ATP2B1: variants seen among roughly 807,000 people sequenced by gnomAD.
ATP2B1 encodes ATPase plasma membrane Ca2+ transporting 1.
ATP2B1 carries 14 observed loss-of-function variants against 124.2 expected under a neutral mutation model. The ratio of observed to expected loss-of-function variants is 0.11; its 90% CI spans 0.07 to 0.18. The LOEUF (loss-of-function observed/expected upper bound fraction) is 0.18. Among genes scored for constraint, ATP2B1 ranks in the 10% least tolerant of loss-of-function variants. The probability of loss-of-function intolerance (pLI) is 1.00; values close to 1 mark genes in which losing one functional copy is unlikely to be tolerated. For synonymous variants in ATP2B1, 449 were observed against 492.4 expected (o/e 0.91, Z 1.17); for missense variants, 763 against 1,466.1 (o/e 0.52, Z 7.83).
chr12:89,597,226 G>GGAA, intron 20 of ATP2B1, among the ~76,000 whole-genome samples: 2 of 152,242 alleles, frequency 1.3e-5, no homozygotes, highest in Admixed American at 1.3e-4. Flanking sequence ...GATACAGGGA[G>GGAA]GAAGAGGCAT....
chr12:89,652,224 A>C (rs1040165174), intron 2 of ATP2B1, among the ~76,000 whole-genome samples: 5 of 152,228 alleles, frequency 3.3e-5, no homozygotes, highest in African/African-American at 1.2e-4. Flanking sequence ...GCAGATACTA[A>C]TAAATACTAC....
Position 89,621,776 on chromosome 12 carries a change from T to C in ATP2B1, c.1360A>G (p.Asn454Asp). The change falls in exon 10 of 21, where the codon AAT (asparagine) becomes GAT (aspartate). Residue 454 changes from asparagine (N) to aspartate (D), a missense_variant. Around this residue, in one of 7 missense-constraint regions of ATP2B1, gnomAD observed 392 missense variants for 776.6 expected, o/e 0.50. Coordinates refer to ENST00000428670, the MANE Select transcript of ATP2B1 (RefSeq NM_001366521.1). ...GCATCCAGATGCCTTACTAAGTTAT[T>C]ATCTTTCATCATTTTCTACAGTGAC... ...AYSVKKMMKDNNLVRHLDACE... is the reference protein window; with the variant it reads ...AYSVKKMMKDDNLVRHLDACE... The C allele has an allele frequency of 6.4e-7, 1 of 1,560,228 alleles. No homozygotes were observed. Among genetic ancestry groups the C allele is most frequent in the Non-Finnish European group, 8.6e-7 (1 of 1,159,038 alleles).
At chr12:89,657,872 G>C (rs1886143821) in intron 1 of ATP2B1, among the ~76,000 whole-genome samples, 1 of 152,122 alleles carries the variant, frequency 6.6e-6, no homozygotes, top group Non-Finnish European at 1.5e-5. Flanking sequence ...GCTTGCCTTA[G>C]GTTAAACTTG....
chr12:89,690,555 T>C (rs1273827397), intron 1 of ATP2B1, among the ~76,000 whole-genome samples: 1 of 151,954 alleles, frequency 6.6e-6, no homozygotes, highest in South Asian at 2.1e-4. Flanking sequence ...TTCTTGTGAG[T>C]TGAATTAAAC....
At chr12:89,659,549 A>G (rs886113645) in intron 1 of ATP2B1, among the ~76,000 whole-genome samples, 3 of 152,236 alleles carry the variant, frequency 2.0e-5, no homozygotes, top group African/African-American at 7.2e-5. Flanking sequence ...TAGAGCTCAT[A>G]AAGAGGTTGG....
intron 1 of ATP2B1, among the ~76,000 whole-genome samples, chr12:89,679,684 C>T (rs193062334): frequency 3.3e-5 from 5 of 152,104 alleles, no homozygotes; most frequent in East Asian, 1.9e-4. Context: ...GAGGGTACAT[C>T]GTAGGAGAGG....
At chr12:89,708,371 T>C (rs1365179209) in intron 1 of ATP2B1, among the ~76,000 whole-genome samples, 1 of 151,994 alleles carries the variant, frequency 6.6e-6, no homozygotes, top group Non-Finnish European at 1.5e-5. Flanking sequence ...GGCGCTGAGG[T>C]GCACGGCGAG....
At chr12:89,609,137 T>C (rs1877515511) in intron 15 of ATP2B1, among the ~76,000 whole-genome samples, 1 of 152,226 alleles carries the variant, frequency 6.6e-6, no homozygotes. Context: ...AGGGCCAGAC[T>C]GTGATTCGGA....
chr12:89,636,389 A>G (rs545619396), intron 3 of ATP2B1, among the ~76,000 whole-genome samples: 132 of 152,274 alleles, frequency 8.7e-4, no homozygotes, highest in African/African-American at 3.0e-3. Context: ...AATAGAAAGG[A>G]TATGTATGTA....
intron 6 of ATP2B1, among the ~76,000 whole-genome samples, chr12:89,630,125 A>C (rs1374135833): frequency 6.6e-6 from 1 of 152,202 alleles, no homozygotes; most frequent in Non-Finnish European, 1.5e-5. Flanking sequence ...GTAGAATAGA[A>C]ATGTGAAGAA....
At chr12:89,650,888 C>A (rs1397466277) in intron 2 of ATP2B1, among the ~76,000 whole-genome samples, 1 of 151,820 alleles carries the variant, frequency 6.6e-6, no homozygotes, top group East Asian at 1.9e-4. Flanking sequence ...AAAGTCAATG[C>A]AGGAAAACAA....
At chr12:89,604,665 C>G (rs1156300153) in intron 15 of ATP2B1, among the ~76,000 whole-genome samples, 1 of 152,038 alleles carries the variant, frequency 6.6e-6, no homozygotes, top group Non-Finnish European at 1.5e-5. Context: ...AGCAAACAAA[C>G]TCTATGAAGA....
At chr12:89,702,522 A>T (rs986801246) in intron 1 of ATP2B1, among the ~76,000 whole-genome samples, 2 of 152,252 alleles carry the variant, frequency 1.3e-5, no homozygotes, top group African/African-American at 4.8e-5. Context: ...AATACAATGA[A>T]TAATAGATCC....
At chr12:89,663,298 A>G (rs778072479) in intron 1 of ATP2B1, among the ~76,000 whole-genome samples, 5 of 152,186 alleles carry the variant, frequency 3.3e-5, no homozygotes, top group Non-Finnish European at 7.4e-5. Flanking sequence ...AGACAACAGA[A>G]TAAGTTAAAG....
At chr12:89,671,423 G>A (rs1887965927) in intron 1 of ATP2B1, among the ~76,000 whole-genome samples, 1 of 152,158 alleles carries the variant, frequency 6.6e-6, no homozygotes, top group African/African-American at 2.4e-5. Flanking sequence ...TCCTAACTGA[G>A]GGATTAAAAT....
intron 13 of ATP2B1, 93 bp from the exon 14 acceptor site, chr12:89,610,601 G>A: frequency 9.8e-7 from 1 of 1,021,220 alleles, no homozygotes; most frequent in Non-Finnish European, 1.5e-6. Context: ...CTCTCAAAGT[G>A]TGGTCCACAG....
chr12:89,629,132 G>A (rs1377426040), intron 6 of ATP2B1, among the ~76,000 whole-genome samples: 1 of 152,210 alleles, frequency 6.6e-6, no homozygotes, highest in East Asian at 1.9e-4. Context: ...GTGGAATACA[G>A]TGAGGATGCA....
chr12:89,642,922 A>G (rs557532507), intron 2 of ATP2B1, among the ~76,000 whole-genome samples: 14 of 151,988 alleles, frequency 9.2e-5, no homozygotes, highest in African/African-American at 3.4e-4. Context: ...CTTATTTCTG[A>G]TCGTACTATC....
chr12:89,701,132 T>C (rs1347840410), intron 1 of ATP2B1, among the ~76,000 whole-genome samples: 1 of 152,216 alleles, frequency 6.6e-6, no homozygotes, highest in Non-Finnish European at 1.5e-5. Context: ...ATACCTACTC[T>C]TCTTCCTGAT....
Sources: gnomAD v4.1 joint callset for allele counts (sites outside exome capture counted in the v4.1 genomes callset) on GRCh38, gnomAD v4.1.1 for gene constraint, gnomAD v4.1.1 regional missense constraint, MANE v1.5 for transcripts, NCBI Gene and HGNC (gene_info 2026-07-23, HGNC 2026-07-21) for gene names.